The following DPP6 variants were observed in gnomAD, a reference collection of about 807,000 sequenced individuals.
DPP6 encodes the protein A-type potassium channel modulatory protein DPP6.
DPP6 carries 69 observed loss-of-function variants against 122.6 expected under a neutral mutation model. The observed-to-expected ratio is 0.56, with a 90% confidence interval of 0.46 to 0.69. The LOEUF is 0.69. Ranked by LOEUF, DPP6 falls within the 30% of genes least tolerant of loss-of-function variation. The probability of loss-of-function intolerance (pLI) is 0.00; values close to 1 mark genes in which losing one functional copy is unlikely to be tolerated. For missense variants in DPP6, 928 were observed against 1,116.9 expected, an observed-to-expected ratio of 0.83 and a Z score of 2.41; for synonymous variants, 418 against 433.1, an observed-to-expected ratio of 0.97 and a Z score of 0.43.
chr7:153,979,941 G>A (rs1448218144), intron 1 of DPP6, among the ~76,000 whole-genome samples: 1 of 152,118 alleles, frequency 6.6e-6, no homozygotes, highest in African/African-American at 2.4e-5. Context: ...GCTGTATTCA[G>A]TTTGCCAGTA....
At chr7:154,525,113 T>G (rs1301321473) in intron 3 of DPP6, among the ~76,000 whole-genome samples, 1 of 152,178 alleles carries the variant, frequency 6.6e-6, no homozygotes, top group Non-Finnish European at 1.5e-5. Context: ...TGATGCAAAT[T>G]CAACATCACA....
intron 1 of DPP6, among the ~76,000 whole-genome samples, chr7:154,237,931 A>C (rs899325116): frequency 7.9e-5 from 12 of 152,242 alleles, no homozygotes; most frequent in African/African-American, 2.7e-4. Flanking sequence ...AGCTGTTGAC[A>C]TGCAGAGAGA....
the DPP6 span, among the ~76,000 whole-genome samples, chr7:153,866,663 A>C: frequency 6.6e-6 from 1 of 151,936 alleles, no homozygotes; most frequent in Non-Finnish European, 1.5e-5. Context: ...ATTAGATCCC[A>C]TTTGTCAATT....
intron 5 of DPP6, among the ~76,000 whole-genome samples, chr7:154,622,450 A>T (rs1380265146): frequency 6.6e-6 from 1 of 152,144 alleles, no homozygotes; most frequent in Non-Finnish European, 1.5e-5. Context: ...AATATCCCAG[A>T]CCTCCTAGTC....
intron 1 of DPP6, among the ~76,000 whole-genome samples, chr7:153,925,747 C>T (rs1800868484): frequency 6.6e-6 from 1 of 152,214 alleles, no homozygotes; most frequent in South Asian, 2.1e-4. Context: ...GATCATCCCA[C>T]ATGGTGGAAG....
At chr7:154,290,566 C>T (rs190855495) in intron 1 of DPP6, among the ~76,000 whole-genome samples, 8 of 150,426 alleles carry the variant, frequency 5.3e-5, no homozygotes, top group Admixed American at 2.0e-4. Flanking sequence ...CCCTTGGACC[C>T]GGGAGGTGGA....
intron 10 of DPP6, among the ~76,000 whole-genome samples, chr7:154,792,071 T>C (rs117840002): frequency 0.032 from 4,937 of 152,382 alleles, 137 homozygotes; most frequent in Non-Finnish European, 0.052. Context: ...AAAAGCAGCA[T>C]TCTTCCTAAT....
intron 4 of DPP6, among the ~76,000 whole-genome samples, chr7:154,565,989 G>T (rs2130522698): frequency 6.6e-6 from 1 of 152,308 alleles, no homozygotes; most frequent in Non-Finnish European, 1.5e-5. Flanking sequence ...GCAATTAAAA[G>T]AAAACAGCAC....
chr7:154,043,080 T>A (rs1477429828), intron 1 of DPP6, among the ~76,000 whole-genome samples: 1 of 152,074 alleles, frequency 6.6e-6, no homozygotes, highest in Non-Finnish European at 1.5e-5. Context: ...AATGTAGATA[T>A]AATCAGTAGA....
In DPP6 at chr7:153,969,225, G is replaced by C. The variant is rs1181507152; in HGVS notation, c.51+81491G>C. Among the ~76,000 whole-genome samples, 2 of 150,210 alleles carry C rather than the reference G, an allele frequency of 1.3e-5. 1 individual carries two copies. Among genetic ancestry groups the C allele is most frequent in the African/African-American group, 5.1e-5 (2 of 39,564 alleles). On this transcript the variant is annotated intron_variant, in intron 1 of 25. Coordinates refer to the DPP6 transcript ENST00000404039. ...GAATGACACAAATCTCTCCCAGGTG[G>C]TGAGTATAGCTCCCAAGTGGTGTAG...
chr7:153,906,894 C>T (rs182910567), intron 1 of DPP6, among the ~76,000 whole-genome samples: 2 of 152,318 alleles, frequency 1.3e-5, no homozygotes, highest in Non-Finnish European at 2.9e-5. Flanking sequence ...TTTAAAAATC[C>T]AGTCATCCAT....
At chr7:153,928,136 C>G (rs1184679215) in intron 1 of DPP6, among the ~76,000 whole-genome samples, 1 of 151,846 alleles carries the variant, frequency 6.6e-6, no homozygotes, top group Non-Finnish European at 1.5e-5. Context: ...TTATTTCTCA[C>G]AGTTCTGGAA....
intron 1 of DPP6, among the ~76,000 whole-genome samples, chr7:154,258,553 C>T (rs1276325005): frequency 6.6e-6 from 1 of 152,084 alleles, no homozygotes; most frequent in African/African-American, 2.4e-5. Context: ...GCTCCACAAC[C>T]AATAGCAAAA....
At chr7:153,947,265 G>C (rs889339950) in intron 1 of DPP6, among the ~76,000 whole-genome samples, 2 of 151,976 alleles carry the variant, frequency 1.3e-5, no homozygotes, top group African/African-American at 4.8e-5. Flanking sequence ...TTTTAACAGC[G>C]GAAACCTACT....
intron 1 of DPP6, among the ~76,000 whole-genome samples, chr7:154,008,611 G>A (rs887978423): frequency 1.7e-4 from 25 of 150,970 alleles, no homozygotes; most frequent in African/African-American, 4.4e-4. Flanking sequence ...CATCTCTCCC[G>A]CTTGGCAGCT....
chr7:154,688,343 A>C (rs1332153775), intron 7 of DPP6, among the ~76,000 whole-genome samples: 1 of 152,242 alleles, frequency 6.6e-6, no homozygotes, highest in Non-Finnish European at 1.5e-5. Context: ...TACTTAAAAA[A>C]TACTTTCTCC....
intron 16 of DPP6, among the ~76,000 whole-genome samples, chr7:154,828,164 G>A (rs950505125): frequency 1.3e-5 from 2 of 152,152 alleles, no homozygotes; most frequent in Non-Finnish European, 2.9e-5. Context: ...TGTGGTTCTG[G>A]AGGAGAACGC....
chr7:154,430,895 C>T (rs1028892270), intron 1 of DPP6, among the ~76,000 whole-genome samples: 1 of 92,088 alleles, frequency 1.1e-5, no homozygotes, highest in Non-Finnish European at 2.9e-5. Flanking sequence ...TCGAATGTTT[C>T]TTTCGTTAAG....
In DPP6 at chr7:154,829,646, A is replaced by T. The variant is rs568093789; in HGVS notation, c.1666+22534A>T. Among the ~76,000 whole-genome samples the T allele has an allele frequency of 7.9e-5, 12 of 152,184 alleles. 1 individual carries two copies. In the South Asian group the frequency reaches 2.5e-3, roughly 32 times the overall value. On this transcript the variant is annotated intron_variant, in intron 16 of 25. Coordinates refer to ENST00000377770, the MANE Select transcript of DPP6 (RefSeq NM_130797.4). ...CGGCTCAATGGCCAACAACAATTAG[A>T]TGGTTTTCAGCAGATGGGGGCTAGC...
Sources: gnomAD v4.1 joint callset for allele counts (sites outside exome capture counted in the v4.1 genomes callset) on GRCh38, gnomAD v4.1.1 for gene constraint, MANE v1.5 for transcripts, NCBI Gene and HGNC (gene_info 2026-07-23, HGNC 2026-07-21) for gene names.